The following SLC7A14 variants were observed in gnomAD, a reference collection of about 807,000 sequenced individuals.
SLC7A14 encodes solute carrier family 7 member 14.
SLC7A14 carries 37 observed loss-of-function variants against 60.2 expected under a neutral mutation model. That is an observed-to-expected ratio of 0.61 (90% CI 0.47 to 0.81). The LOEUF (loss-of-function observed/expected upper bound fraction) is 0.81, where lower values mean the gene tolerates loss of function less well. Among genes scored for constraint, SLC7A14 ranks in the 30% least tolerant of loss-of-function variants. The pLI is 0.00. For synonymous variants in SLC7A14, 399 were observed against 395.8 expected, an observed-to-expected ratio of 1.01 and a Z score of -0.10; for missense variants, 886 against 982.7, an observed-to-expected ratio of 0.90 and a Z score of 1.32.
chr3:170,527,404 C>G (rs569134552), intron 1 of SLC7A14, among the ~76,000 whole-genome samples: 48 of 152,320 alleles, frequency 3.2e-4, no homozygotes, highest in African/African-American at 1.1e-3. Context: ...AATAAAGTCT[C>G]TCTCCTAGTG....
rs894646121 is a variant in SLC7A14, at chr3:170,464,515, C to T, written c.*2540G>A. 9.9e-5 allele frequency: 15 copies of T among 152,188 alleles called. No individual in the cohort carries two copies. The highest frequency in any genetic ancestry group is 3.9e-4 in the East Asian group (2 of 5,190). 9.4% of individuals were successfully genotyped at this position (152,188 alleles called of 1,614,324 possible). On this transcript the variant is annotated 3_prime_UTR_variant, in exon 8 of 8. Coordinates refer to ENST00000231706, the MANE Select transcript of SLC7A14 (RefSeq NM_020949.3). ...AGAAGCAGGTAAACCTGAGGACAAA[C>T]ATGTCTATGTACCTGAAAATACTTT...
intron 2 of SLC7A14, among the ~76,000 whole-genome samples, chr3:170,513,048 C>T (rs1164413793): frequency 2.0e-5 from 3 of 152,084 alleles, no homozygotes; most frequent in African/African-American, 7.2e-5. Flanking sequence ...ATCTCACCTA[C>T]GTGGTCCTGA....
At chr3:170,502,550 A>G (rs1464919967) in intron 2 of SLC7A14, among the ~76,000 whole-genome samples, 1 of 152,146 alleles carries the variant, frequency 6.6e-6, no homozygotes, top group African/African-American at 2.4e-5. Context: ...GAGGAAACAT[A>G]CCAGGGGTGG....
Position 170,472,637 on chromosome 3 carries a change from G to A in SLC7A14, c.1994-5260C>T, listed in dbSNP as rs564394741. Among the ~76,000 whole-genome samples the A allele has an allele frequency of 1.7e-4, 26 of 151,976 alleles. No individual in the cohort carries two copies. In the South Asian group the frequency reaches 4.0e-3, roughly 23 times the overall value. ...AAAAAATTAGCCGGGCATGGCGGTG[G>A]GCACCTGTAGTCCCAGCTACTCCGG... On this transcript the variant is annotated intron_variant, in intron 7 of 7. Coordinates refer to ENST00000231706, the MANE Select transcript of SLC7A14 (RefSeq NM_020949.3).
At chr3:170,529,266 G>T (rs1713603764) in intron 1 of SLC7A14, among the ~76,000 whole-genome samples, 1 of 152,242 alleles carries the variant, frequency 6.6e-6, no homozygotes, top group East Asian at 1.9e-4. Context: ...ATATATATAT[G>T]TGTGTGTGTT....
At chr3:170,559,090 T>C (rs1393997301) in intron 1 of SLC7A14, among the ~76,000 whole-genome samples, 1 of 152,170 alleles carries the variant, frequency 6.6e-6, no homozygotes, top group African/African-American at 2.4e-5. Context: ...CCAAACTTTT[T>C]CCCCACAAAA....
chr3:170,522,443 A>T (rs1035919714), intron 2 of SLC7A14, among the ~76,000 whole-genome samples: 1 of 152,254 alleles, frequency 6.6e-6, no homozygotes, highest in African/African-American at 2.4e-5. Context: ...ATACAATGGG[A>T]TACTACTCAG....
chr3:170,507,324 A>C (rs1014267229), intron 2 of SLC7A14, among the ~76,000 whole-genome samples: 1 of 152,188 alleles, frequency 6.6e-6, no homozygotes, highest in Non-Finnish European at 1.5e-5. Flanking sequence ...AAGCATCTAT[A>C]TTTCAATCAG....
chr3:170,516,543 C>T (rs1340476184), intron 2 of SLC7A14, among the ~76,000 whole-genome samples: 4 of 139,926 alleles, frequency 2.9e-5, no homozygotes, highest in South Asian at 4.8e-4. Context: ...AGTAACACAG[C>T]GACACCTGTC....
At chr3:170,521,945 G>A (rs1476452412) in intron 2 of SLC7A14, among the ~76,000 whole-genome samples, 1 of 151,988 alleles carries the variant, frequency 6.6e-6, no homozygotes, top group Non-Finnish European at 1.5e-5. Context: ...AAGGTGGGGG[G>A]TGGGCAAAAG....
At chr3:170,531,207 T>A (rs573819815) in intron 1 of SLC7A14, among the ~76,000 whole-genome samples, 10 of 152,076 alleles carry the variant, frequency 6.6e-5, no homozygotes, top group Non-Finnish European at 1.3e-4. Context: ...ATATTGCTGT[T>A]TTCCACAGGA....
At chr3:170,576,827 C>T (rs183096984) in intron 1 of SLC7A14, among the ~76,000 whole-genome samples, 2 of 152,254 alleles carry the variant, frequency 1.3e-5, no homozygotes, top group Admixed American at 6.5e-5. Flanking sequence ...AGTAGTAACT[C>T]CCCTCTCCTC....
chr3:170,515,416 A>G (rs1296943209), intron 2 of SLC7A14, among the ~76,000 whole-genome samples: 1 of 152,046 alleles, frequency 6.6e-6, no homozygotes, highest in African/African-American at 2.4e-5. Flanking sequence ...TGGGGCCTAT[A>G]TCACTTTCCA....
chr3:170,467,930 C>T (rs533151930), intron 7 of SLC7A14, among the ~76,000 whole-genome samples: 3 of 152,318 alleles, frequency 2.0e-5, no homozygotes, highest in East Asian at 3.9e-4. Flanking sequence ...CTGTGATTTA[C>T]CTTGACATTT....
chr3:170,508,494 C>A (rs1001761355), intron 2 of SLC7A14, among the ~76,000 whole-genome samples: 1 of 152,172 alleles, frequency 6.6e-6, no homozygotes, highest in African/African-American at 2.4e-5. Context: ...GTGGGCTGAT[C>A]TAGCAAATGG....
intron 4 of SLC7A14, among the ~76,000 whole-genome samples, chr3:170,486,871 C>CA (rs59431762): frequency 0.023 from 2,421 of 103,518 alleles, 38 homozygotes; most frequent in South Asian, 0.041. Context: ...GACTCCATCT[C>CA]AAAAAAAAAA....
chr3:170,561,471 T>C (rs930308229), intron 1 of SLC7A14, among the ~76,000 whole-genome samples: 1 of 152,252 alleles, frequency 6.6e-6, no homozygotes, highest in African/African-American at 2.4e-5. Context: ...GACTAATCTG[T>C]TGTGGACAAA....
intron 4 of SLC7A14, among the ~76,000 whole-genome samples, chr3:170,497,658 C>G (rs188115055): frequency 2.0e-5 from 3 of 152,190 alleles, no homozygotes; most frequent in African/African-American, 7.2e-5. Context: ...TCCCTGACAG[C>G]TCAAAATTCT....
chr3:170,467,623 G>A (rs1739756922), intron 7 of SLC7A14, among the ~76,000 whole-genome samples: 1 of 152,198 alleles, frequency 6.6e-6, no homozygotes, highest in Non-Finnish European at 1.5e-5. Flanking sequence ...CAAAAGGTCT[G>A]ACAACACTGC....
Sources: gnomAD v4.1 joint callset for allele counts (sites outside exome capture counted in the v4.1 genomes callset) on GRCh38, gnomAD v4.1.1 for gene constraint, MANE v1.5 for transcripts, NCBI Gene and HGNC (gene_info 2026-07-23, HGNC 2026-07-21) for gene names.